SDR42E1: variants seen among roughly 807,000 people sequenced by gnomAD.
SDR42E1 encodes short chain dehydrogenase/reductase family 42E, member 1.
Under a neutral mutation model 2.6 loss-of-function variants are expected in SDR42E1, and 5 were observed. The observed-to-expected ratio is 1.94, with a 90% confidence interval of 1.01 to 4.08. The LOEUF is 4.08. Ranked by LOEUF, SDR42E1 falls within the 30% of genes most tolerant of loss-of-function variation. The probability of loss-of-function intolerance (pLI) is 0.00; values close to 1 mark genes in which losing one functional copy is unlikely to be tolerated. For missense variants in SDR42E1, 596 were observed against 478.6 expected (o/e 1.25, Z -2.29); for synonymous variants, 231 against 188.3 (o/e 1.23, Z -1.86).
intron 1 of SDR42E1, among the ~76,000 whole-genome samples, chr16:82,008,625 A>C (rs1479276904): frequency 1.3e-5 from 2 of 152,212 alleles, no homozygotes; most frequent in African/African-American, 4.8e-5. Context: ...CAGAGAGATG[A>C]TTTAGGGTAT....
chr16:82,007,507 C>T (rs1943113045), intron 1 of SDR42E1: 2 of 152,184 alleles, frequency 1.3e-5, no homozygotes, highest in Admixed American at 6.5e-5. Flanking sequence ...TGCCTAACTC[C>T]AAGTCCTACA....
At chr16:82,010,405 C>T (rs1270543503) in intron 1 of SDR42E1, among the ~76,000 whole-genome samples, 1 of 152,014 alleles carries the variant, frequency 6.6e-6, no homozygotes, top group East Asian at 1.9e-4. Flanking sequence ...AAGGCTGGGA[C>T]AATACAGATT....
rs377682467 is a variant in SDR42E1 at position 82,000,441 on chromosome 16, T to C, written c.69-217A>G. On this transcript the variant is annotated intron_variant, in intron 2 of 2. Coordinates refer to ENST00000328945, the MANE Select transcript of SDR42E1 (RefSeq NM_145168.3). Reference sequence around the variant, plus strand: ...TACTTAAATTACAAAGAGAGAGGCCTTATCTTCAAAGAATGGTGGCATTTT... The same window carrying C: ...TACTTAAATTACAAAGAGAGAGGCCCTATCTTCAAAGAATGGTGGCATTTT... The C allele has an allele frequency of 5.1e-4, 351 of 694,330 alleles. No homozygotes were observed. The African/African-American group carries it at 5.5e-3, about 11-fold the overall frequency. The allele number at this position is 694,330 out of a possible 1,614,324, so 43.0% of individuals were successfully genotyped here.
chr16:81,997,494 G>A lies in SDR42E1; in HGVS notation c.*1617C>T, dbSNP rs1050153999. On this transcript the variant is annotated 3_prime_UTR_variant, in exon 3 of 3. Transcript: ENST00000328945. ...ATGCAGCTTCCACCCTGCTGTCTTGGATGACCTGCTCTGGGGATGAGGATA... is the reference window on the plus strand; with the variant it reads ...ATGCAGCTTCCACCCTGCTGTCTTGAATGACCTGCTCTGGGGATGAGGATA... 2.0e-5 allele frequency: 3 copies of A among 152,268 alleles called. No individual in the cohort carries two copies. The highest frequency in any genetic ancestry group is 7.2e-5 in the African/African-American group (3 of 41,448). 9.4% of individuals were successfully genotyped at this position (152,268 alleles called of 1,614,324 possible). A position where few individuals can be genotyped will look rare whatever the true frequency, so the allele number is the denominator to read the frequency against.
Position 82,000,177 on chromosome 16 carries a change from T to G in SDR42E1, c.116A>C (p.Asp39Ala), listed in dbSNP as rs1912707706. 6.2e-7 allele frequency: 1 copy of G among 1,611,794 alleles called. No individual in the cohort carries two copies. Among genetic ancestry groups the G allele is most frequent in the East Asian group, 2.2e-5 (1 of 44,814 alleles). ...AATGGTTTGAGCAGGGCTGCTGATGTCAAACAGAATCACATGGACTCCATT... is the reference window on the plus strand; with the variant it reads ...AATGGTTTGAGCAGGGCTGCTGATGGCAAACAGAATCACATGGACTCCATT... ...NQNGVHVILF[D>A]ISSPAQTIPE... Residue 39 changes from aspartate to alanine, a missense_variant, in exon 3 of 3, where the codon GAC becomes GCC. Asp to Ala is a moderately radical substitution (Grantham distance 126). Transcript: ENST00000328945.
chr16:82,009,405 C>A (rs1265880336), intron 1 of SDR42E1, among the ~76,000 whole-genome samples: 1 of 152,240 alleles, frequency 6.6e-6, no homozygotes. Flanking sequence ...CCCTGCAAAA[C>A]CACAAGGGTG....
intron 1 of SDR42E1, among the ~76,000 whole-genome samples, chr16:82,004,067 A>G (rs1912854702): frequency 6.6e-6 from 1 of 152,258 alleles, no homozygotes; most frequent in Admixed American, 6.5e-5. Flanking sequence ...CCCAAACGAG[A>G]CAGAGGTCCT....
intron 1 of SDR42E1, among the ~76,000 whole-genome samples, chr16:82,008,432 A>G (rs892853428): frequency 6.6e-6 from 1 of 152,238 alleles, no homozygotes; most frequent in African/African-American, 2.4e-5. Context: ...GGAACTTCCT[A>G]GAGACTTGTT....
intron 1 of SDR42E1, among the ~76,000 whole-genome samples, chr16:82,002,901 T>C (rs1912815340): frequency 6.6e-6 from 1 of 152,248 alleles, no homozygotes; most frequent in South Asian, 2.1e-4. Flanking sequence ...TGCCCTTTTT[T>C]CACACTCCAG....
intron 1 of SDR42E1, among the ~76,000 whole-genome samples, chr16:82,006,182 AT>A (rs1022213662): frequency 3.7e-4 from 55 of 150,240 alleles, no homozygotes; most frequent in African/African-American, 1.2e-3. Context: ...GACTGTTACC[AT>A]AAAAATAAAA....
At chr16:82,001,070 T>A (rs911953973) in intron 1 of SDR42E1, among the ~76,000 whole-genome samples, 186 bp from the exon 2 acceptor site, 26 of 152,200 alleles carry the variant, frequency 1.7e-4, no homozygotes, top group Non-Finnish European at 8.8e-5. Flanking sequence ...TTTCACCCGA[T>A]GTAACATGGG....
rs1912654091 is a variant in SDR42E1 at position 81,999,414 on chromosome 16, T to C, written c.879A>G (p.Leu293=). 5 of 1,614,012 alleles carry C rather than the reference T, an allele frequency of 3.1e-6. No individual in the cohort carries two copies. Among genetic ancestry groups the C allele is most frequent in the African/African-American group, 1.3e-5 (1 of 74,912 alleles). ...PLTLVYCFAF[L]TEMVHFILGR... is the part of the protein sequence containing the mutation. ...CCAAAATGAAGTGAACCATCTCTGT[T>C]AGAAAAGCAAAGCAGTAGACCAAGG... Residue 293 remains leucine (L), a synonymous_variant, in exon 3 of 3, where the codon CTA becomes CTG. Transcript: ENST00000328945.
At chr16:82,006,346 G>T (rs1912934087) in intron 1 of SDR42E1, among the ~76,000 whole-genome samples, 1 of 152,166 alleles carries the variant, frequency 6.6e-6, no homozygotes, top group South Asian at 2.1e-4. Flanking sequence ...TCATGCTAGA[G>T]GGCTTACGAA....
chr16:82,006,226 A>G (rs1912929237), intron 1 of SDR42E1, among the ~76,000 whole-genome samples: 1 of 152,254 alleles, frequency 6.6e-6, no homozygotes, highest in Non-Finnish European at 1.5e-5. Context: ...GAGAAAAAAT[A>G]TCTCCAAGTA....
In SDR42E1 at chr16:81,994,378, G is replaced by T. The variant is rs541603304; in HGVS notation, c.*4733C>A. 4 of 152,196 alleles carry T rather than the reference G, an allele frequency of 2.6e-5. No homozygotes were observed. Among genetic ancestry groups the T allele is most frequent in the East Asian group, 1.9e-4 (1 of 5,194 alleles). The allele number at this position is 152,196 out of a possible 1,614,324, so 9.4% of individuals were successfully genotyped here. A position where few individuals can be genotyped will look rare whatever the true frequency, so the allele number is the denominator to read the frequency against. On this transcript the variant is annotated 3_prime_UTR_variant, in exon 3 of 3. Coordinates refer to ENST00000328945, the MANE Select transcript of SDR42E1 (RefSeq NM_145168.3). ...CCAGAGAAGCAATCCTAGCTGAAAG[G>T]GTTTCTCTAAACCTGCTCTGGGAGA...
chr16:81,999,278 G>A lies in SDR42E1; in HGVS notation c.1015C>T (p.Gln339Ter), dbSNP rs1433539293. Residue 339 changes from glutamine (Q) to a stop codon, truncating the protein, a stop_gained, in exon 3 of 3, where the codon CAG becomes TAG. Transcript: ENST00000328945. LOFTEE classifies it low-confidence loss of function (END_TRUNC). ...ACTGCTTCCTGGAGGTCAAATGGCT[G>A]AGCCTTATAACCTAGCTCTTTCTTG... ...KAKKELGYKA[Q>*]PFDLQEAVEW... 4 of 1,614,078 alleles carry A rather than the reference G, an allele frequency of 2.5e-6. No individual in the cohort carries two copies. Among genetic ancestry groups the A allele is most frequent in the Non-Finnish European group, 3.4e-6 (4 of 1,180,040 alleles).
At position 81,998,338 on chromosome 16, in the gene SDR42E1, G is replaced by A. The variant is rs895216994; in HGVS notation, c.*773C>T. The A allele has an allele frequency of 6.6e-6, 1 of 152,150 alleles. No individual in the cohort carries two copies. The allele number at this position is 152,150 out of a possible 1,614,324, so 9.4% of individuals were successfully genotyped here. On this transcript the variant is annotated 3_prime_UTR_variant, in exon 3 of 3. Transcript: ENST00000328945. ...CAAATACACTTGTTGCAGGCTCTGAGGGCACACCCAAAGACATTGCAGAAA... is the reference window on the plus strand; with the variant it reads ...CAAATACACTTGTTGCAGGCTCTGAAGGCACACCCAAAGACATTGCAGAAA...
chr16:82,007,458 A>C (rs905687410), intron 1 of SDR42E1, among the ~76,000 whole-genome samples: 3 of 152,196 alleles, frequency 2.0e-5, no homozygotes, highest in African/African-American at 7.2e-5. Flanking sequence ...TGTTAATTCC[A>C]TTTTACAGGT....
Position 82,000,019 on chromosome 16 carries a change from G to C in SDR42E1, c.274C>G (p.Arg92Gly), listed in dbSNP as rs765377203. The C allele has an allele frequency of 1.2e-5, 20 of 1,614,158 alleles. No homozygotes were observed. The South Asian group carries it at 2.1e-4, about 17-fold the overall frequency. ...YGMSGREQLN[R>G]NLIKEVNVRG... ...ACGTTGACTTCTTTGATCAGGTTTC[G>C]ATTGAGTTGCTCCCGCCCTGACATA... The change falls in exon 3 of 3, where the codon CGA (arginine) becomes GGA (glycine). Residue 92 changes from arginine to glycine, a missense_variant. By Grantham distance (125) the Arg-to-Gly change is moderately radical (BLOSUM62 -2). Coordinates refer to ENST00000328945, the MANE Select transcript of SDR42E1 (RefSeq NM_145168.3).
Sources: gnomAD v4.1 joint callset for allele counts (sites outside exome capture counted in the v4.1 genomes callset) on GRCh38, gnomAD v4.1.1 for gene constraint, MANE v1.5 for transcripts, NCBI Gene and HGNC (gene_info 2026-07-23, HGNC 2026-07-21) for gene names.